Variants in WWOX observed in about 807,000 individuals in gnomAD.
WWOX encodes WW domain-containing oxidoreductase.
A neutral mutation model predicts 46.2 loss-of-function variants in WWOX; 69 were observed. The ratio of observed to expected loss-of-function variants is 1.49; its 90% CI spans 1.23 to 1.82. WWOX has a LOEUF of 1.82. Ranked by LOEUF, WWOX falls within the 40% of genes most tolerant of loss-of-function variation. The probability of loss-of-function intolerance (pLI) is 0.00; values close to 1 mark genes in which losing one functional copy is unlikely to be tolerated. For synonymous variants in WWOX, 359 were observed against 202.6 expected (o/e 1.77, Z -6.56); for missense variants, 919 against 542.6 (o/e 1.69, Z -6.89).
chr16:78,828,580 T>C (rs964995786), intron 8 of WWOX, among the ~76,000 whole-genome samples: 4 of 151,906 alleles, frequency 2.6e-5, no homozygotes, highest in African/African-American at 9.7e-5. Flanking sequence ...ATTAAGGTCC[T>C]ACTATATACC....
At chr16:78,302,092 C>A (rs1277302863) in intron 5 of WWOX, among the ~76,000 whole-genome samples, 1 of 151,906 alleles carries the variant, frequency 6.6e-6, no homozygotes, top group Admixed American at 6.6e-5. Flanking sequence ...TCTCTAGCAG[C>A]TGGGACTACA....
chr16:78,605,733 C>CAGTT (rs1431227739), intron 8 of WWOX, among the ~76,000 whole-genome samples: 2 of 152,134 alleles, frequency 1.3e-5, no homozygotes, highest in African/African-American at 4.8e-5. Context: ...TGAAAATAGC[C>CAGTT]AGTTATCTTT....
chr16:78,991,002 C>G (rs2046876896), intron 8 of WWOX, among the ~76,000 whole-genome samples: 2 of 152,320 alleles, frequency 1.3e-5, no homozygotes, highest in African/African-American at 4.8e-5. Flanking sequence ...CTGTTTGGAT[C>G]TTGGTCATTT....
At chr16:78,626,940 C>T (rs1026187169) in intron 8 of WWOX, among the ~76,000 whole-genome samples, 2 of 152,020 alleles carry the variant, frequency 1.3e-5, no homozygotes, top group African/African-American at 2.4e-5. Flanking sequence ...GCTGTTGGCT[C>T]CTGTGTTCTT....
At chr16:78,522,599 T>G (rs2151500425) in intron 8 of WWOX, among the ~76,000 whole-genome samples, 1 of 152,360 alleles carries the variant, frequency 6.6e-6, no homozygotes, top group East Asian at 1.9e-4. Flanking sequence ...AGTTCCTGTT[T>G]TTGATTAATA....
chr16:78,463,185 C>T (rs979820574), intron 8 of WWOX, among the ~76,000 whole-genome samples: 3 of 152,212 alleles, frequency 2.0e-5, no homozygotes, highest in African/African-American at 7.2e-5. Context: ...AAACAGGCAG[C>T]ACTGAGGAAT....
chr16:79,146,058 C>T (rs1014403995), intron 8 of WWOX, among the ~76,000 whole-genome samples: 1 of 152,114 alleles, frequency 6.6e-6, no homozygotes, highest in Non-Finnish European at 1.5e-5. Flanking sequence ...ACATAAATAC[C>T]GGTAGAACTT....
chr16:78,927,462 G>C (rs899661196), intron 8 of WWOX, among the ~76,000 whole-genome samples: 1 of 152,162 alleles, frequency 6.6e-6, no homozygotes, highest in Non-Finnish European at 1.5e-5. Context: ...GTGGGTAAAA[G>C]TTCTCTTTTC....
At chr16:79,053,343 C>A (rs372740201) in intron 8 of WWOX, among the ~76,000 whole-genome samples, 1 of 152,110 alleles carries the variant, frequency 6.6e-6, no homozygotes, top group African/African-American at 2.4e-5. Flanking sequence ...TTCCTGCATC[C>A]CAGCAACGTG....
At chr16:78,483,819 T>C (rs1022362642) in intron 8 of WWOX, among the ~76,000 whole-genome samples, 4 of 152,106 alleles carry the variant, frequency 2.6e-5, no homozygotes, top group Non-Finnish European at 5.9e-5. Flanking sequence ...TAATTAGCCT[T>C]AATTTAAAAA....
At chr16:78,543,853 G>A (rs2043958758) in intron 8 of WWOX, among the ~76,000 whole-genome samples, 1 of 152,124 alleles carries the variant, frequency 6.6e-6, no homozygotes, top group South Asian at 2.1e-4. Flanking sequence ...TCCTGCTTAT[G>A]ACTCTGAAAC....
intron 8 of WWOX, among the ~76,000 whole-genome samples, chr16:78,809,428 TTAA>T (rs2051131855): frequency 6.6e-6 from 1 of 152,174 alleles, no homozygotes; most frequent in Non-Finnish European, 1.5e-5. Context: ...CTAGTATGTA[TTAA>T]TGAGATGAAA....
At chr16:78,859,145 A>G (rs1035379747) in intron 8 of WWOX, among the ~76,000 whole-genome samples, 21 of 148,806 alleles carry the variant, frequency 1.4e-4, no homozygotes, top group East Asian at 8.2e-4. Context: ...TCTCGGGGTA[A>G]TCTGAGACAC....
intron 8 of WWOX, among the ~76,000 whole-genome samples, chr16:78,621,592 C>CTTTTTTTTTTATTTTTTTTTTTTT (rs2046185027): frequency 3.2e-5 from 1 of 31,512 alleles, no homozygotes; most frequent in East Asian, 9.9e-4. Flanking sequence ...TTGTTCTAAT[C>CTTTTTTTTTTATTTTTTTTTTTTT]TTTTTTTTTT....
intron 8 of WWOX, among the ~76,000 whole-genome samples, chr16:78,676,019 G>C (rs1357875473): frequency 6.6e-6 from 1 of 151,944 alleles, no homozygotes; most frequent in Non-Finnish European, 1.5e-5. Context: ...CTAGTACAAA[G>C]AATTTTTTTT....
intron 8 of WWOX, among the ~76,000 whole-genome samples, chr16:78,726,383 A>G (rs1324190812): frequency 6.6e-6 from 1 of 151,734 alleles, no homozygotes; most frequent in African/African-American, 2.4e-5. Flanking sequence ...GCACCACCAC[A>G]CGTGGCGTAT....
Position 78,447,111 on chromosome 16 carries a change from T to C in WWOX, c.1056+14359T>C, listed in dbSNP as rs2083578568. Among the ~76,000 whole-genome samples the C allele has an allele frequency of 3.3e-5, 5 of 152,160 alleles. No individual in the cohort carries two copies. In the South Asian group the frequency reaches 1.0e-3, roughly 32 times the overall value. On this transcript the variant is annotated intron_variant, in intron 8 of 8. Transcript: ENST00000566780. Reference sequence around the variant, plus strand: ...GGTTTTTAGAAAGGTTTGAGTTATTTCCTGTTTTCTGAACCAGACAGGCAG... The same window carrying C: ...GGTTTTTAGAAAGGTTTGAGTTATTCCCTGTTTTCTGAACCAGACAGGCAG...
chr16:78,418,340 G>A (rs2082846235), intron 6 of WWOX, among the ~76,000 whole-genome samples: 2 of 151,648 alleles, frequency 1.3e-5, no homozygotes, highest in Non-Finnish European at 2.9e-5. Flanking sequence ...CTCCAGCCTG[G>A]GCAGGAGACA....
In WWOX at chr16:78,339,616, A is replaced by G. The variant is rs531978165; in HGVS notation, c.517-47244A>G. ...TAGCTTTCTGAAAAAGGATGATAGA[A>G]TATGTGTGTGTGTCTGTGTGTGTGT... On this transcript the variant is annotated intron_variant, in intron 5 of 8. Coordinates refer to ENST00000566780, the MANE Select transcript of WWOX (RefSeq NM_016373.4). Among the ~76,000 whole-genome samples the G allele has an allele frequency of 3.3e-5, 4 of 119,582 alleles. 1 individual carries two copies. The highest frequency in any genetic ancestry group is 1.1e-4 in the African/African-American group (4 of 35,398). The allele number at this position is 119,582 out of a possible 152,430, so 78.5% of individuals were successfully genotyped here.
Sources: gnomAD v4.1 joint callset for allele counts (sites outside exome capture counted in the v4.1 genomes callset) on GRCh38, gnomAD v4.1.1 for gene constraint, MANE v1.5 for transcripts, NCBI Gene and HGNC (gene_info 2026-07-23, HGNC 2026-07-21) for gene names.